DAPK1: variants seen among roughly 807,000 people sequenced by gnomAD.
DAPK1 encodes death associated protein kinase 1, also known as death-associated protein kinase 1.
Under a neutral mutation model 144.9 loss-of-function variants are expected in DAPK1, and 56 were observed. The observed-to-expected ratio is 0.39, with a 90% CI of 0.31 to 0.48. The LOEUF is 0.48. Among genes scored for constraint, DAPK1 ranks in the 20% least tolerant of loss-of-function variants. The pLI, the probability that DAPK1 is intolerant of heterozygous loss-of-function variation, is 0.95. For missense variants in DAPK1, 1,454 were observed against 1,875.4 expected, an observed-to-expected ratio of 0.78 and a Z score of 4.15; for synonymous variants, 690 against 749.0, an observed-to-expected ratio of 0.92 and a Z score of 1.29.
chr9:87,679,332 C>T (rs981438970), intron 19 of DAPK1, among the ~76,000 whole-genome samples: 6 of 151,948 alleles, frequency 3.9e-5, no homozygotes, highest in African/African-American at 1.4e-4. Flanking sequence ...TGGGAACCCA[C>T]AAAGCAGGTT....
chr9:87,620,195 C>G (rs1279503377), intron 3 of DAPK1, among the ~76,000 whole-genome samples: 1 of 152,186 alleles, frequency 6.6e-6, no homozygotes, highest in Admixed American at 6.5e-5. Context: ...GCTCGTGCCC[C>G]TCCTTGGTCT....
intron 3 of DAPK1, among the ~76,000 whole-genome samples, chr9:87,623,260 A>G (rs1354525067): frequency 1.3e-5 from 2 of 152,226 alleles, no homozygotes; most frequent in Admixed American, 6.5e-5. Context: ...GCTAAAAGAA[A>G]GTCATGGTTT....
At chr9:87,584,024 T>C (rs1187750729) in intron 2 of DAPK1, among the ~76,000 whole-genome samples, 1 of 152,246 alleles carries the variant, frequency 6.6e-6, no homozygotes, top group East Asian at 1.9e-4. Context: ...GTATTATTAG[T>C]ATGCTACATA....
chr9:87,615,229 C>T (rs1829054632), intron 3 of DAPK1, among the ~76,000 whole-genome samples: 1 of 152,216 alleles, frequency 6.6e-6, no homozygotes, highest in Admixed American at 6.5e-5. Context: ...AGTATTACCT[C>T]ACCTTCTTCT....
At chr9:87,510,152 T>C (rs553387400) in intron 2 of DAPK1, among the ~76,000 whole-genome samples, 1 of 152,290 alleles carries the variant, frequency 6.6e-6, no homozygotes, top group South Asian at 2.1e-4. Context: ...AGTCTGTGCG[T>C]TCCTCCCCAC....
intron 2 of DAPK1, among the ~76,000 whole-genome samples, chr9:87,564,765 C>T (rs1007433613): frequency 3.3e-5 from 5 of 152,178 alleles, no homozygotes; most frequent in Admixed American, 6.5e-5. Context: ...GCAGAGCCGT[C>T]ATGATCTAAT....
chr9:87,571,527 A>ACACACACACACACACACACACC lies in DAPK1; in HGVS notation c.63-33426_63-33425insACACACACACACACACACACCC, dbSNP rs1554684291. Among the ~76,000 whole-genome samples, 11 of 141,386 alleles carry ACACACACACACACACACACACC rather than the reference A, an allele frequency of 7.8e-5. No homozygotes were observed. In the East Asian group the frequency reaches 1.2e-3, roughly 16 times the overall value. The allele number at this position is 141,386 out of a possible 152,430, so 92.8% of individuals were successfully genotyped here. ...CACACACACACACACACACACACAC[A>ACACACACACACACACACACACC]CCAGAAGCGAAGCAGGCGGAGAGGG... is the stretch of plus-strand genomic sequence containing the variant. On this transcript the variant is annotated intron_variant, in intron 2 of 25. Coordinates refer to ENST00000408954, the MANE Select transcript of DAPK1 (RefSeq NM_004938.4).
chr9:87,618,363 A>G (rs1829172783), intron 3 of DAPK1, among the ~76,000 whole-genome samples: 1 of 152,212 alleles, frequency 6.6e-6, no homozygotes, highest in Non-Finnish European at 1.5e-5. Context: ...CACTTTGGGA[A>G]ACAGTTTGTC....
chr9:87,648,942 G>T, intron 15 of DAPK1, 63 bp downstream of exon 15: 2 of 1,382,822 alleles, frequency 1.4e-6, no homozygotes, highest in South Asian at 2.3e-5. Context: ...GCAGCCAGAT[G>T]GTACAGTCGG....
In DAPK1 at chr9:87,649,011, C is replaced by T. The variant is rs1587809061; in HGVS notation, c.1428+132C>T. 28 of 762,288 alleles carry T rather than the reference C, an allele frequency of 3.7e-5. No homozygotes were observed. The East Asian group carries it at 7.0e-4, about 19-fold the overall frequency. The allele number at this position is 762,288 out of a possible 1,614,324, so 47.2% of individuals were successfully genotyped here. On this transcript the variant is annotated intron_variant, in intron 15 of 25. Transcript: ENST00000408954. ...GTCTTCCCCTACAGAGGGCAAGGCTCAAGGGGCAGGGACTCAAACAGAAGT... is the reference window on the plus strand; with the variant it reads ...GTCTTCCCCTACAGAGGGCAAGGCTTAAGGGGCAGGGACTCAAACAGAAGT...
intron 19 of DAPK1, among the ~76,000 whole-genome samples, chr9:87,681,054 G>A (rs1388469633): frequency 6.6e-6 from 1 of 152,166 alleles, no homozygotes; most frequent in Non-Finnish European, 1.5e-5. Context: ...CAAGGCGGGC[G>A]GATCACCTGA....
At chr9:87,580,524 A>G (rs1397449564) in intron 2 of DAPK1, among the ~76,000 whole-genome samples, 2 of 152,194 alleles carry the variant, frequency 1.3e-5, no homozygotes, top group Non-Finnish European at 2.9e-5. Flanking sequence ...AAATATCTCC[A>G]TAGCAGACAA....
intron 18 of DAPK1, among the ~76,000 whole-genome samples, 156 bp downstream of exon 18, chr9:87,658,283 G>A (rs961562726): frequency 6.6e-6 from 1 of 152,146 alleles, no homozygotes; most frequent in African/African-American, 2.4e-5. Context: ...ATAGACATTC[G>A]CCTACACATG....
chr9:87,682,617 A>G (rs1343357460), intron 20 of DAPK1, among the ~76,000 whole-genome samples: 2 of 152,222 alleles, frequency 1.3e-5, no homozygotes, highest in Non-Finnish European at 2.9e-5. Context: ...GAACACAGCT[A>G]TAGAATTGAA....
intron 10 of DAPK1, 28 bp from the exon 11 acceptor site, chr9:87,643,347 CT>C (rs10650070): frequency 0.12 from 117,182 of 986,674 alleles, 17 homozygotes; most frequent in East Asian, 0.14. Context: ...CCCGCCCTCC[CT>C]TTTTTTTTTT....
At chr9:87,696,025 C>T (rs1344528542) in intron 21 of DAPK1, among the ~76,000 whole-genome samples, 2 of 152,100 alleles carry the variant, frequency 1.3e-5, no homozygotes, top group African/African-American at 2.4e-5. Flanking sequence ...AGCCTACAAC[C>T]GTGTCATTAT....
At chr9:87,603,871 A>G (rs1419988183) in intron 2 of DAPK1, among the ~76,000 whole-genome samples, 3 of 152,156 alleles carry the variant, frequency 2.0e-5, no homozygotes, top group Admixed American at 2.0e-4. Context: ...GTCAAGTTCT[A>G]TTATTACAGT....
chr9:87,707,088 C>T lies in DAPK1; in HGVS notation c.4017C>T (p.Leu1339=), dbSNP rs772323488. 1.2e-5 allele frequency: 20 copies of T among 1,613,898 alleles called. No individual in the cohort carries two copies. Among genetic ancestry groups the T allele is most frequent in the East Asian group, 4.5e-5 (2 of 44,886 alleles). Residue 1339 remains leucine, a synonymous_variant, in exon 26 of 26, where the codon CTC becomes CTT. Transcript: ENST00000408954. This position sits in a 1 kb window ranked among gnomAD's most constrained non-coding sequence, Gnocchi z 4.0. Reference sequence around the variant, plus strand: ...CCATGAACTTAGGCCTCCCTGACCTCGTGGCAAAGTACAACACCAGTAACG... The same window carrying T: ...CCATGAACTTAGGCCTCCCTGACCTTGTGGCAAAGTACAACACCAGTAACG... ...LLAMNLGLPD[L]VAKYNTSNGA...
chr9:87,617,315 G>A (rs1452364531), intron 3 of DAPK1, among the ~76,000 whole-genome samples: 2 of 152,210 alleles, frequency 1.3e-5, no homozygotes, highest in Non-Finnish European at 1.5e-5. Flanking sequence ...AGGGCCAGAA[G>A]TCTTGGCTCT....
Sources: allele counts gnomAD v4.1 joint callset (sites outside exome capture counted in the v4.1 genomes callset), GRCh38; gene constraint gnomAD v4.1.1; non-coding constraint Gnocchi (gnomAD v3.1); transcripts MANE v1.5; gene names NCBI Gene and HGNC (gene_info 2026-07-23, HGNC 2026-07-21).